PTPRD: variants seen among roughly 807,000 people sequenced by gnomAD.
The protein encoded by PTPRD is receptor-type tyrosine-protein phosphatase delta.
A neutral mutation model predicts 214.5 loss-of-function variants in PTPRD; 34 were observed. The observed-to-expected ratio is 0.16, with a 90% CI of 0.12 to 0.21. PTPRD has a LOEUF of 0.21. Ranked by LOEUF, PTPRD falls within the 10% of genes least tolerant of loss-of-function variation. The probability of loss-of-function intolerance (pLI) is 1.00; values close to 1 mark genes in which losing one functional copy is unlikely to be tolerated. For synonymous variants in PTPRD, 1,128 were observed against 845.7 expected, an observed-to-expected ratio of 1.33 and a Z score of -5.79; for missense variants, 2,545 against 2,398.7, an observed-to-expected ratio of 1.06 and a Z score of -1.27.
chr9:10,424,267 C>T (rs1041419665), intron 2 of PTPRD, among the ~76,000 whole-genome samples: 2 of 151,502 alleles, frequency 1.3e-5, no homozygotes, highest in Non-Finnish European at 1.5e-5. Context: ...AAAAGAACAT[C>T]TAAATCAAAA....
intron 6 of PTPRD, among the ~76,000 whole-genome samples, chr9:9,748,019 C>A (rs2098475798): frequency 6.6e-6 from 1 of 152,110 alleles, no homozygotes. Flanking sequence ...GTGGAGATCA[C>A]AGCTCTTGGA....
intron 8 of PTPRD, among the ~76,000 whole-genome samples, chr9:9,514,860 G>C (rs913830916): frequency 3.3e-5 from 5 of 152,030 alleles, no homozygotes; most frequent in Admixed American, 2.6e-4. Flanking sequence ...AAAGTGCCTA[G>C]TTCTCTCCCT....
At chr9:10,345,748 A>G (rs995935037) in intron 2 of PTPRD, among the ~76,000 whole-genome samples, 1 of 152,220 alleles carries the variant, frequency 6.6e-6, no homozygotes, top group Non-Finnish European at 1.5e-5. Context: ...TCTTTATAGT[A>G]GAATGATTTG....
intron 3 of PTPRD, among the ~76,000 whole-genome samples, chr9:10,259,719 T>C (rs942011332): frequency 6.6e-6 from 1 of 152,218 alleles, no homozygotes; most frequent in Non-Finnish European, 1.5e-5. Flanking sequence ...CTCCTGTTTA[T>C]TGAATTATAA....
intron 9 of PTPRD, among the ~76,000 whole-genome samples, chr9:9,221,299 GA>G: frequency 6.6e-6 from 1 of 152,094 alleles, no homozygotes; most frequent in East Asian, 1.9e-4. Context: ...AGCAACAGGA[GA>G]AAACTTGCTT....
intron 8 of PTPRD, among the ~76,000 whole-genome samples, chr9:9,399,592 C>T (rs1006643247): frequency 6.6e-6 from 1 of 152,048 alleles, no homozygotes; most frequent in Admixed American, 6.6e-5. Flanking sequence ...TTGTAGCTCT[C>T]ATAATTCCCA....
chr9:9,332,270 C>T (rs2042604493), intron 9 of PTPRD, among the ~76,000 whole-genome samples: 1 of 151,806 alleles, frequency 6.6e-6, no homozygotes, highest in East Asian at 1.9e-4. Flanking sequence ...ATAATCATTT[C>T]CAGAAACAGC....
intron 8 of PTPRD, among the ~76,000 whole-genome samples, chr9:9,573,827 G>T (rs983799319): frequency 6.6e-6 from 1 of 151,666 alleles, no homozygotes. Flanking sequence ...TAATGAAAAA[G>T]TATACCTTAT....
intron 10 of PTPRD, among the ~76,000 whole-genome samples, chr9:9,060,447 A>T (rs544757552): frequency 1.3e-5 from 2 of 152,300 alleles, no homozygotes; most frequent in Non-Finnish European, 2.9e-5. Flanking sequence ...CAGAAGAAAA[A>T]TTTCTGCAAT....
In PTPRD at chr9:9,074,859, C is replaced by T. The variant is rs374183041; in HGVS notation, c.-142-56124G>A. 2.0e-5 allele frequency among the ~76,000 whole-genome samples: 3 copies of T among 150,544 alleles called. No individual in the cohort carries two copies. The East Asian group carries it at 5.9e-4, about 29-fold the overall frequency. Reference sequence around the variant, plus strand: ...TCAGTTTTAGAACAAATTTAGGTTTCATTCTGAGGAAAAGAAATTACAATT... The same window carrying T: ...TCAGTTTTAGAACAAATTTAGGTTTTATTCTGAGGAAAAGAAATTACAATT... On this transcript the variant is annotated intron_variant, in intron 10 of 45. Transcript: ENST00000381196.
intron 11 of PTPRD, among the ~76,000 whole-genome samples, chr9:8,845,267 G>T (rs2097667295): frequency 2.6e-5 from 4 of 152,068 alleles, no homozygotes; most frequent in Admixed American, 2.0e-4. Flanking sequence ...AGTTTGCAAG[G>T]CCAGTTGTCA....
chr9:9,094,199 C>T (rs2099780252), intron 10 of PTPRD, among the ~76,000 whole-genome samples: 1 of 152,064 alleles, frequency 6.6e-6, no homozygotes, highest in Non-Finnish European at 1.5e-5. Context: ...GTTAGAAAGT[C>T]ATTACGTGAG....
chr9:9,425,159 A>C (rs2080332792), intron 8 of PTPRD, among the ~76,000 whole-genome samples: 1 of 151,972 alleles, frequency 6.6e-6, no homozygotes, highest in African/African-American at 2.4e-5. Flanking sequence ...GAGGAAAATC[A>C]ATGCATCCCA....
chr9:8,819,299 T>G (rs189086486), intron 11 of PTPRD, among the ~76,000 whole-genome samples: 13 of 152,210 alleles, frequency 8.5e-5, no homozygotes, highest in African/African-American at 2.9e-4. Context: ...ACAACATATG[T>G]GAGGTAGACT....
At chr9:8,565,550 G>C (rs2088654317) in intron 14 of PTPRD, among the ~76,000 whole-genome samples, 1 of 151,950 alleles carries the variant, frequency 6.6e-6, no homozygotes, top group African/African-American at 2.4e-5. Context: ...TTAGATCTTT[G>C]TTGCTACCAT....
At chr9:8,839,031 G>A (rs10815969) in intron 11 of PTPRD, among the ~76,000 whole-genome samples, 21,850 of 151,922 alleles carry the variant, frequency 0.14, 1,856 homozygotes, top group East Asian at 0.36. Flanking sequence ...ACCTTGTAAC[G>A]AACTGCAAAG....
intron 9 of PTPRD, among the ~76,000 whole-genome samples, chr9:9,267,010 T>G (rs930701903): frequency 6.6e-6 from 1 of 150,610 alleles, no homozygotes; most frequent in Non-Finnish European, 1.5e-5. Context: ...AAACTAAGAG[T>G]TCATTTTCTG....
chr9:9,227,249 C>A (rs1054569388), intron 9 of PTPRD, among the ~76,000 whole-genome samples: 8 of 151,948 alleles, frequency 5.3e-5, no homozygotes, highest in African/African-American at 1.9e-4. Context: ...TTTCTTTTTT[C>A]ATACACATCA....
chr9:9,861,000 T>C (rs941948992), intron 5 of PTPRD, among the ~76,000 whole-genome samples: 1 of 152,124 alleles, frequency 6.6e-6, no homozygotes, highest in East Asian at 1.9e-4. Flanking sequence ...GTTGGAAAAA[T>C]AGACATTATA....
Sources: gnomAD v4.1 joint callset for allele counts (sites outside exome capture counted in the v4.1 genomes callset) on GRCh38, gnomAD v4.1.1 for gene constraint, MANE v1.5 for transcripts, NCBI Gene and HGNC (gene_info 2026-07-23, HGNC 2026-07-21) for gene names.